NT5C2: variants seen among roughly 807,000 people sequenced by gnomAD.
The protein encoded by NT5C2 is cytosolic purine 5'-nucleotidase.
Under a neutral mutation model 76.1 loss-of-function variants are expected in NT5C2, and 58 were observed. That is an observed-to-expected ratio of 0.76 (90% CI 0.62 to 0.95). The LOEUF (loss-of-function observed/expected upper bound fraction) is 0.95, where lower values mean the gene tolerates loss of function less well. Ranked by LOEUF, NT5C2 falls within the 40% of genes least tolerant of loss-of-function variation. The probability of loss-of-function intolerance (pLI) is 0.00; values close to 1 mark genes in which losing one functional copy is unlikely to be tolerated. For synonymous variants in NT5C2, 229 were observed against 237.4 expected (o/e 0.96, Z 0.32); for missense variants, 478 against 690.3 (o/e 0.69, Z 3.45).
At chr10:103,131,461 G>C (rs2078159714) in intron 4 of NT5C2, among the ~76,000 whole-genome samples, 1 of 152,174 alleles carries the variant, frequency 6.6e-6, no homozygotes, top group Non-Finnish European at 1.5e-5. Context: ...TAAAGGCGGA[G>C]CACTTGTGAA....
intron 3 of NT5C2, among the ~76,000 whole-genome samples, chr10:103,158,839 A>C (rs1187742520): frequency 6.6e-6 from 1 of 151,700 alleles, no homozygotes; most frequent in African/African-American, 2.4e-5. Context: ...AAAAAGAAGA[A>C]TAAAAGCAGA....
At chr10:103,157,157 G>GA (rs1195617528) in intron 3 of NT5C2, among the ~76,000 whole-genome samples, 3 of 150,408 alleles carry the variant, frequency 2.0e-5, no homozygotes, top group East Asian at 3.9e-4. Flanking sequence ...GAATGAAAAA[G>GA]AAAAAAACAC....
chr10:103,187,775 T>G (rs1326013163), intron 1 of NT5C2, among the ~76,000 whole-genome samples: 3 of 152,134 alleles, frequency 2.0e-5, no homozygotes, highest in African/African-American at 7.2e-5. Flanking sequence ...CCTAACTAGA[T>G]TCTAATATGA....
At chr10:103,107,916 AGCCC>A (rs2071778154) in intron 4 of NT5C2, among the ~76,000 whole-genome samples, 1 of 152,124 alleles carries the variant, frequency 6.6e-6, no homozygotes, top group Non-Finnish European at 1.5e-5. Flanking sequence ...GCACTTTGGG[AGCCC>A]AAGGCGGGCG....
Position 103,089,238 on chromosome 10 carries a change from T to C in NT5C2, c.*434A>G. On this transcript the variant is annotated 3_prime_UTR_variant, in exon 19 of 19. Coordinates refer to ENST00000404739, the MANE Select transcript of NT5C2 (RefSeq NM_001351169.2). Reference sequence around the variant, plus strand: ...AATACATTTCTCCACTGATATACAATACCATGTAATGCACTGGAAAAGTTG... The same window carrying C: ...AATACATTTCTCCACTGATATACAACACCATGTAATGCACTGGAAAAGTTG... 1 of 221,288 alleles carries C rather than the reference T, an allele frequency of 4.5e-6. No homozygotes were observed. Among genetic ancestry groups the C allele is most frequent in the Non-Finnish European group, 9.0e-6 (1 of 110,806 alleles). 13.7% of individuals were successfully genotyped at this position (221,288 alleles called of 1,614,324 possible).
At chr10:103,107,193 C>T (rs149731375) in intron 4 of NT5C2, among the ~76,000 whole-genome samples, 1 of 152,254 alleles carries the variant, frequency 6.6e-6, no homozygotes, top group Non-Finnish European at 1.5e-5. Flanking sequence ...TCCTGTTTGG[C>T]TTGGGTAATT....
intron 4 of NT5C2, among the ~76,000 whole-genome samples, chr10:103,138,002 C>T (rs900902036): frequency 2.0e-5 from 3 of 152,116 alleles, no homozygotes; most frequent in African/African-American, 7.2e-5. Flanking sequence ...AACTTAAACA[C>T]AAAGTTTACA....
intron 5 of NT5C2, 44 bp from the exon 6 acceptor site, chr10:103,105,845 G>T: frequency 7.5e-7 from 1 of 1,331,428 alleles, no homozygotes; most frequent in Middle Eastern, 1.8e-4. Context: ...AAGTAATACA[G>T]GCAATAATTT....
Position 103,097,271 on chromosome 10 carries a change from T to TA in NT5C2, c.771+19dup, listed in dbSNP as rs1200373563. 1 of 1,552,952 alleles carries TA rather than the reference T, an allele frequency of 6.4e-7. No homozygotes were observed. On this transcript the variant is annotated intron_variant, in intron 11 of 18. Coordinates refer to ENST00000404739, the MANE Select transcript of NT5C2 (RefSeq NM_001351169.2). ...AAAATAATTCCACTGCATAAATAAA[T>TA]ATACACATGAAGCACTTACATCTGT...
chr10:103,107,766 T>C (rs1409975812), intron 4 of NT5C2, among the ~76,000 whole-genome samples: 3 of 152,114 alleles, frequency 2.0e-5, no homozygotes, highest in Non-Finnish European at 4.4e-5. Flanking sequence ...TAACAGGGAT[T>C]TCAGGCAATG....
chr10:103,173,630 A>G (rs2088906632), intron 3 of NT5C2, among the ~76,000 whole-genome samples: 1 of 149,554 alleles, frequency 6.7e-6, no homozygotes, highest in South Asian at 2.1e-4. Context: ...AAAAAAAAAA[A>G]AGAATTTCAT....
At chr10:103,135,076 G>A (rs112206461) in intron 4 of NT5C2, among the ~76,000 whole-genome samples, 19 of 152,334 alleles carry the variant, frequency 1.2e-4, no homozygotes, top group Admixed American at 7.2e-4. Context: ...GACTTGCCTT[G>A]TTTCAGATGA....
chr10:103,096,795 G>A (rs1050713731), intron 11 of NT5C2, among the ~76,000 whole-genome samples: 26 of 135,434 alleles, frequency 1.9e-4, no homozygotes, highest in Admixed American at 4.2e-4. Context: ...GCAGTGAGCC[G>A]AGATCGCACC....
At chr10:103,163,089 T>C (rs946358330) in intron 3 of NT5C2, among the ~76,000 whole-genome samples, 32 of 152,352 alleles carry the variant, frequency 2.1e-4, no homozygotes, top group African/African-American at 5.5e-4. Context: ...CATTATGCCT[T>C]TGAGAGTGAT....
At chr10:103,148,929 C>T (rs2081972098) in intron 3 of NT5C2, among the ~76,000 whole-genome samples, 1 of 152,040 alleles carries the variant, frequency 6.6e-6, no homozygotes, top group East Asian at 1.9e-4. Flanking sequence ...GTTAGGATAG[C>T]AAAAGGGATA....
chr10:103,181,777 G>A (rs947710094), intron 1 of NT5C2, among the ~76,000 whole-genome samples: 1 of 152,142 alleles, frequency 6.6e-6, no homozygotes, highest in African/African-American at 2.4e-5. Flanking sequence ...GGCCAAGGTG[G>A]GTGGATCATT....
At chr10:103,167,679 T>G (rs774079696) in intron 3 of NT5C2, among the ~76,000 whole-genome samples, 20 of 152,152 alleles carry the variant, frequency 1.3e-4, no homozygotes, top group Non-Finnish European at 2.8e-4. Flanking sequence ...TCACCTAGGC[T>G]GAAGTGCAGT....
intron 4 of NT5C2, among the ~76,000 whole-genome samples, chr10:103,109,274 T>C (rs1565000340): frequency 6.6e-6 from 1 of 152,182 alleles, no homozygotes; most frequent in African/African-American, 2.4e-5. Flanking sequence ...CTATATGATG[T>C]ACACTGTGGA....
intron 9 of NT5C2, 74 bp from the exon 10 acceptor site, chr10:103,099,058 GT>G: frequency 8.3e-7 from 1 of 1,210,306 alleles, no homozygotes; most frequent in Non-Finnish European, 1.2e-6. Context: ...AAGAAAAATG[GT>G]TTTTACTAAT....
Sources: allele counts gnomAD v4.1 joint callset (sites outside exome capture counted in the v4.1 genomes callset), GRCh38; gene constraint gnomAD v4.1.1; transcripts MANE v1.5; gene names NCBI Gene and HGNC (gene_info 2026-07-23, HGNC 2026-07-21).